Variants in MARS1 observed in about 807,000 individuals in gnomAD.
MARS1 encodes the protein methionine--tRNA ligase, cytoplasmic.
Under a neutral mutation model 119.5 loss-of-function variants are expected in MARS1, and 80 were observed. The ratio of observed to expected loss-of-function variants is 0.67; its 90% confidence interval spans 0.56 to 0.81. MARS1 has a LOEUF of 0.81. MARS1 is among the 30% of genes least tolerant of loss of function. The pLI is 0.00. For synonymous variants in MARS1, 418 were observed against 433.4 expected (o/e 0.96, Z 0.44); for missense variants, 945 against 1,116.5 (o/e 0.85, Z 2.19).
intron 15 of MARS1, among the ~76,000 whole-genome samples, 175 bp downstream of exon 15, chr12:57,513,139 T>C (rs1381997217): frequency 6.6e-6 from 1 of 152,220 alleles, no homozygotes; most frequent in Non-Finnish European, 1.5e-5. Flanking sequence ...CTATGTGTGC[T>C]TGATGGAACA....
chr12:57,503,902 A>C, intron 10 of MARS1: 1 of 226,716 alleles, frequency 4.4e-6, no homozygotes, highest in East Asian at 9.9e-5. Context: ...GAGAGGGGCT[A>C]TGTCTTCACT....
intron 11 of MARS1, among the ~76,000 whole-genome samples, chr12:57,508,409 G>A (rs1877336709): frequency 6.6e-6 from 1 of 152,258 alleles, no homozygotes; most frequent in South Asian, 2.1e-4. Flanking sequence ...CTGCAATCCC[G>A]GCACCTCGGG....
intron 18 of MARS1, 135 bp from the exon 19 acceptor site, chr12:57,515,785 C>A: frequency 2.9e-6 from 2 of 699,678 alleles, no homozygotes; most frequent in South Asian, 1.8e-5. Flanking sequence ...TTCCTAAAAT[C>A]AGCAGATATT....
chr12:57,488,929 C>T, intron 1 of MARS1, 90 bp from the exon 2 acceptor site: 1 of 1,050,674 alleles, frequency 9.5e-7, no homozygotes. Context: ...TTTTTTTACT[C>T]ACTGAACAAT....
chr12:57,489,455 T>A lies in MARS1; in HGVS notation c.311T>A (p.Val104Glu), dbSNP rs1275132808. 14 of 1,614,030 alleles carry A rather than the reference T, an allele frequency of 8.7e-6. No homozygotes were observed. The highest frequency in any genetic ancestry group is 1.1e-5 in the Non-Finnish European group (13 of 1,180,036). ...PALSAALYYL[V>E]VQGKKGEDVL... is the part of the protein sequence containing the mutation. ...TTGTCTGCTGCCCTGTACTATTTAG[T>A]GGTCCAAGGCAAGAAGGGGGAAGAT... Residue 104 changes from valine to glutamate, a missense_variant, in exon 4 of 21, where the codon GTG becomes GAG. By Grantham distance (121) the Val-to-Glu change is moderately radical (BLOSUM62 -2). Transcript: ENST00000262027.
chr12:57,503,537 TTG>T (rs1283486790), intron 10 of MARS1, among the ~76,000 whole-genome samples: 5 of 151,262 alleles, frequency 3.3e-5, no homozygotes, highest in Non-Finnish European at 7.4e-5. Flanking sequence ...TCAGCCACAT[TTG>T]TGTCTTTTTC....
chr12:57,509,441 CT>C (rs1877403266), intron 11 of MARS1, among the ~76,000 whole-genome samples: 1 of 152,196 alleles, frequency 6.6e-6, no homozygotes, highest in Non-Finnish European at 1.5e-5. Flanking sequence ...CAGGGTCTTG[CT>C]GTCACCTAGG....
chr12:57,507,421 GGGGTGGCC>G, intron 11 of MARS1, among the ~76,000 whole-genome samples: 1 of 77,232 alleles, frequency 1.3e-5, no homozygotes, highest in Non-Finnish European at 3.0e-5. Context: ...CTTCCCAGTA[GGGGTGGCC>G]GGGCAGAGGC....
At chr12:57,513,856 A>C (rs940308979) in intron 15 of MARS1, among the ~76,000 whole-genome samples, 7 of 151,566 alleles carry the variant, frequency 4.6e-5, no homozygotes, top group African/African-American at 1.7e-4. Flanking sequence ...TACCTACAGG[A>C]GTTCGAGACC....
At chr12:57,502,455 C>T (rs981544994) in intron 10 of MARS1, among the ~76,000 whole-genome samples, 1 of 151,962 alleles carries the variant, frequency 6.6e-6, no homozygotes, top group Non-Finnish European at 1.5e-5. Context: ...GCTTGTAATC[C>T]CAGGACTTTG....
rs755755977 is a variant in MARS1, at chr12:57,504,223, A to G, written c.1294-2A>G. ...TCTGTCCTCTGGAATTTTCCTTCGC[A>G]GAAGCCTCAGTGTAAAGTCTGCCGA... On this transcript the variant is annotated splice_acceptor_variant, in intron 10 of 20. Transcript: ENST00000262027. LOFTEE classifies it high-confidence loss of function. 1 of 1,613,600 alleles carries G rather than the reference A, an allele frequency of 6.2e-7. No homozygotes were observed. Among genetic ancestry groups the G allele is most frequent in the Admixed American group, 1.7e-5 (1 of 60,016 alleles).
At chr12:57,500,591 C>A in intron 10 of MARS1, 69 bp downstream of exon 10, 2 of 1,454,628 alleles carry the variant, frequency 1.4e-6, no homozygotes, top group Non-Finnish European at 1.9e-6. Context: ...CCCTTCCTGT[C>A]CCATTTAGGA....
At position 57,500,388 on chromosome 12, in the gene MARS1, C is replaced by A; in HGVS notation, c.1159C>A (p.Leu387Met). 6.2e-7 allele frequency: 1 copy of A among 1,614,216 alleles called. No homozygotes were observed. Among genetic ancestry groups the A allele is most frequent in the African/African-American group, 1.3e-5 (1 of 75,064 alleles). ...GFVLQDTVEQ[L>M]RCEHCARFLA... Reference sequence around the variant, plus strand: ...TGTGCTGCAAGATACTGTGGAGCAACTGCGATGTGAGCACTGTGCTCGCTT... The same window carrying A: ...TGTGCTGCAAGATACTGTGGAGCAAATGCGATGTGAGCACTGTGCTCGCTT... The change falls in exon 10 of 21, where the codon CTG becomes ATG. Residue 387 changes from leucine (L) to methionine (M), a missense_variant. Coordinates refer to ENST00000262027, the MANE Select transcript of MARS1 (RefSeq NM_004990.4).
chr12:57,515,599 A>G (rs1877763610), intron 18 of MARS1: 11 of 574,256 alleles, frequency 1.9e-5, no homozygotes, highest in Non-Finnish European at 2.8e-5. Context: ...CCTAGTCTCC[A>G]TAATGCTAGC....
chr12:57,514,564 C>A (rs1376360349), intron 15 of MARS1, among the ~76,000 whole-genome samples, 156 bp from the exon 16 acceptor site: 2 of 152,162 alleles, frequency 1.3e-5, no homozygotes, highest in Admixed American at 6.6e-5. Context: ...AATAATTAGG[C>A]CTTGTCTACT....
Position 57,489,475 on chromosome 12 carries a change from G to C in MARS1, c.331G>C (p.Glu111Gln), listed in dbSNP as rs376785642. 3.4e-5 allele frequency: 55 copies of C among 1,614,080 alleles called. No individual in the cohort carries two copies. The highest frequency in any genetic ancestry group is 4.5e-5 in the Non-Finnish European group (53 of 1,180,042). ...YYLVVQGKKG[E>Q]DVLGSVRRAL... ...TTTAGTGGTCCAAGGCAAGAAGGGG[G>C]AAGATGTTCTTGGTTCAGTGCGGAG... The change falls in exon 4 of 21, where the codon GAA becomes CAA. Residue 111 changes from glutamate (E) to glutamine (Q), a missense_variant. Glu to Gln is a conservative substitution (Grantham distance 29). Coordinates refer to ENST00000262027, the MANE Select transcript of MARS1 (RefSeq NM_004990.4).
chr12:57,514,032 C>T (rs1371152086), intron 15 of MARS1, among the ~76,000 whole-genome samples: 1 of 139,750 alleles, frequency 7.2e-6, no homozygotes, highest in Non-Finnish European at 1.5e-5. Context: ...CACTGTGCTC[C>T]AGCCTGGGCA....
chr12:57,499,642 T>C (rs1876824735), intron 9 of MARS1, among the ~76,000 whole-genome samples: 1 of 150,106 alleles, frequency 6.7e-6, no homozygotes, highest in Admixed American at 6.6e-5. Context: ...GGCTCACGCC[T>C]GTAATCTCAG....
In MARS1 at chr12:57,516,436, G is replaced by A. The variant is rs779513287; in HGVS notation, c.2558G>A (p.Gly853Glu). The stretch of plus-strand genomic sequence containing the variant: ...CCTCCCCACCCCCCTTTATCTTAGG[G>A]AAACATTGTCCGAGAACTGAAAGCA... ...QALMDEVTKQ[G>E]NIVRELKAQK... Residue 853 changes from glycine (G) to glutamate (E), a missense_variant and splice_region_variant, in exon 21 of 21, where the codon GGA becomes GAA. Transcript: ENST00000262027. The A allele has an allele frequency of 1.2e-5, 19 of 1,612,912 alleles. No individual in the cohort carries two copies. The highest frequency in any genetic ancestry group is 2.5e-6 in the Non-Finnish European group (3 of 1,179,512).
Sources: gnomAD v4.1 joint callset for allele counts (sites outside exome capture counted in the v4.1 genomes callset) on GRCh38, gnomAD v4.1.1 for gene constraint, MANE v1.5 for transcripts, NCBI Gene and HGNC (gene_info 2026-07-23, HGNC 2026-07-21) for gene names.